Variants in KCNN2 observed in about 807,000 individuals in gnomAD.
KCNN2 encodes the protein small conductance calcium-activated potassium channel protein 2.
A neutral mutation model predicts 55.5 loss-of-function variants in KCNN2; 24 were observed. That is an observed-to-expected ratio of 0.43 (90% CI 0.31 to 0.61). The LOEUF (loss-of-function observed/expected upper bound fraction) is 0.61, where lower values mean the gene tolerates loss of function less well. KCNN2 is among the 20% of genes least tolerant of loss of function. The pLI, the probability that KCNN2 is intolerant of heterozygous loss-of-function variation, is 0.08. For synonymous variants in KCNN2, 431 were observed against 336.1 expected (o/e 1.28, Z -3.09); for missense variants, 754 against 853.6 (o/e 0.88, Z 1.45).
chr5:114,095,117 G>C (rs888805857), intron 1 of KCNN2, among the ~76,000 whole-genome samples: 3 of 151,668 alleles, frequency 2.0e-5, no homozygotes, highest in Admixed American at 1.3e-4. Flanking sequence ...TTGTTTTTGG[G>C]GTATCTTTAT....
intron 2 of KCNN2, among the ~76,000 whole-genome samples, chr5:114,398,639 A>G (rs1301954883): frequency 6.6e-6 from 1 of 152,166 alleles, no homozygotes; most frequent in Non-Finnish European, 1.5e-5. Context: ...TGCTTTGGGC[A>G]GTATGGCCAT....
At chr5:114,248,790 CATA>C (rs1754799684) in intron 2 of KCNN2, among the ~76,000 whole-genome samples, 1 of 152,076 alleles carries the variant, frequency 6.6e-6, no homozygotes, top group African/African-American at 2.4e-5. Context: ...TTATACTGAG[CATA>C]ATATTAACAA....
At chr5:114,066,142 C>T (rs1456850091) in intron 1 of KCNN2, among the ~76,000 whole-genome samples, 2 of 152,048 alleles carry the variant, frequency 1.3e-5, no homozygotes, top group Admixed American at 6.6e-5. Context: ...TGGGTTAGCT[C>T]GTGTAGCACA....
In KCNN2 at chr5:114,487,113, G is replaced by A; in HGVS notation, c.1954G>A (p.Val652Met). The A allele has an allele frequency of 6.2e-7, 1 of 1,612,990 alleles. No homozygotes were observed. Among genetic ancestry groups the A allele is most frequent in the South Asian group, 1.1e-5 (1 of 91,060 alleles). Residue 652 changes from valine to methionine, a missense_variant, in exon 6 of 8, where the codon GTG becomes ATG. Val to Met is a conservative substitution (Grantham distance 21). This residue lies in a region of KCNN2 where 86 missense variants were observed against 233.0 expected (regional missense o/e 0.37). Transcript: ENST00000673685. ...GCTAATTTACAAAAATACAAAGCTA[G>A]TGAAAAAGATAGATCATGCAAAAGT... is the stretch of plus-strand genomic sequence containing the variant. ...TWLIYKNTKLVKKIDHAKVRK... is the reference protein window; with the variant it reads ...TWLIYKNTKLMKKIDHAKVRK...
chr5:114,330,301 A>G (rs536802670), intron 2 of KCNN2, among the ~76,000 whole-genome samples: 5 of 152,082 alleles, frequency 3.3e-5, no homozygotes, highest in African/African-American at 1.2e-4. Context: ...CCTACCAACA[A>G]CCTCCATAAT....
chr5:114,190,140 C>A (rs1264657504), intron 1 of KCNN2, among the ~76,000 whole-genome samples: 1 of 151,964 alleles, frequency 6.6e-6, no homozygotes, highest in South Asian at 2.1e-4. Context: ...CTGTTCCCTG[C>A]CAAGCATTGC....
chr5:114,147,422 G>A (rs1373846965), intron 1 of KCNN2, among the ~76,000 whole-genome samples: 1 of 152,154 alleles, frequency 6.6e-6, no homozygotes, highest in African/African-American at 2.4e-5. Context: ...TAACCCAATT[G>A]AAGTGACCAT....
chr5:114,285,064 C>T lies in KCNN2; in HGVS notation c.-185+63499C>T, dbSNP rs572658499. On this transcript the variant is annotated intron_variant, in intron 2 of 10. Coordinates refer to the KCNN2 transcript ENST00000512097. The stretch of plus-strand genomic sequence containing the variant: ...TTGGGAGGCTGAGGCGGGCGGATCA[C>T]GAGGTCAGGAGATCGAGACCATCTT... Among the ~76,000 whole-genome samples, 44 of 151,002 alleles carry T rather than the reference C, an allele frequency of 2.9e-4. 1 individual carries two copies. The South Asian group carries it at 5.7e-3, about 19-fold the overall frequency.
intron 1 of KCNN2, among the ~76,000 whole-genome samples, chr5:114,083,156 ATATAT>A (rs1750861266): frequency 6.6e-6 from 1 of 152,044 alleles, no homozygotes; most frequent in African/African-American, 2.4e-5. Context: ...GTATATAGTA[ATATAT>A]TGTAATATCT....
chr5:114,198,283 TA>T (rs1753599024), intron 1 of KCNN2, among the ~76,000 whole-genome samples: 1 of 150,346 alleles, frequency 6.7e-6, no homozygotes, highest in South Asian at 2.1e-4. Flanking sequence ...ATATATATGT[TA>T]AAAATAATGG....
At chr5:114,133,121 A>G (rs1299823291) in intron 1 of KCNN2, among the ~76,000 whole-genome samples, 1 of 152,152 alleles carries the variant, frequency 6.6e-6, no homozygotes, top group Non-Finnish European at 1.5e-5. Context: ...ATAATTAATG[A>G]ATGTCTATGT....
chr5:114,360,658 A>C (rs1006304026), upstream of KCNN2, among the ~76,000 whole-genome samples: 12 of 152,204 alleles, frequency 7.9e-5, no homozygotes, highest in African/African-American at 2.7e-4. Context: ...TCTTAGAAGA[A>C]GACAGCACAG....
At chr5:114,275,098 G>A (rs560151488) in intron 2 of KCNN2, among the ~76,000 whole-genome samples, 1 of 152,130 alleles carries the variant, frequency 6.6e-6, no homozygotes, top group Non-Finnish European at 1.5e-5. Flanking sequence ...TAATTATGTG[G>A]TTTTTGTCAT....
At chr5:114,058,735 T>C (rs942927075) in intron 1 of KCNN2, among the ~76,000 whole-genome samples, 1 of 152,154 alleles carries the variant, frequency 6.6e-6, no homozygotes, top group African/African-American at 2.4e-5. Context: ...TGCAGGGCTT[T>C]GCAGGTCAAG....
At chr5:114,182,488 G>A (rs138115082) in intron 1 of KCNN2, among the ~76,000 whole-genome samples, 71 of 152,052 alleles carry the variant, frequency 4.7e-4, no homozygotes, top group East Asian at 3.5e-3. Flanking sequence ...ACAATATTGA[G>A]CCTTCCAACC....
chr5:114,110,510 C>T (rs1267913738), intron 1 of KCNN2, among the ~76,000 whole-genome samples: 1 of 151,968 alleles, frequency 6.6e-6, no homozygotes, highest in African/African-American at 2.4e-5. Context: ...CCCTAGAATC[C>T]AAAAATATTG....
upstream of KCNN2, among the ~76,000 whole-genome samples, chr5:114,358,521 T>A (rs1203463278): frequency 6.6e-6 from 1 of 152,238 alleles, no homozygotes; most frequent in Admixed American, 6.5e-5. Context: ...AAATACATTT[T>A]GTGGCTGAGT....
At chr5:114,299,824 G>C (rs879602171) in intron 2 of KCNN2, among the ~76,000 whole-genome samples, 1 of 152,098 alleles carries the variant, frequency 6.6e-6, no homozygotes, top group Non-Finnish European at 1.5e-5. Context: ...AGGTTCTGTG[G>C]GACTTTGTGA....
At chr5:114,456,017 T>C (rs1412143721) in intron 3 of KCNN2, among the ~76,000 whole-genome samples, 1 of 152,220 alleles carries the variant, frequency 6.6e-6, no homozygotes. Context: ...GACAGCAAGG[T>C]GTCCACATGT....
Sources: allele counts gnomAD v4.1 joint callset (sites outside exome capture counted in the v4.1 genomes callset), GRCh38; gene constraint gnomAD v4.1.1; regional missense constraint gnomAD v4.1.1; transcripts MANE v1.5; gene names NCBI Gene and HGNC (gene_info 2026-07-23, HGNC 2026-07-21).